The following PCLO variants were observed in gnomAD, a reference collection of about 807,000 sequenced individuals.
The protein encoded by PCLO is protein piccolo.
PCLO carries 82 observed loss-of-function variants against 427.5 expected under a neutral mutation model. That is an observed-to-expected ratio of 0.19 (90% CI 0.16 to 0.23). PCLO has a LOEUF of 0.23. Ranked by LOEUF, PCLO falls within the 10% of genes least tolerant of loss-of-function variation. PCLO has a pLI of 1.00. For synonymous variants in PCLO, 2,357 were observed against 2,155.4 expected (o/e 1.09, Z -2.59); for missense variants, 6,239 against 6,115.9 (o/e 1.02, Z -0.67).
At chr7:82,978,446 T>C (rs1796072024) in intron 3 of PCLO, among the ~76,000 whole-genome samples, 1 of 152,180 alleles carries the variant, frequency 6.6e-6, no homozygotes, top group African/African-American at 2.4e-5. Context: ...AAGAAATCTT[T>C]GTGAGACTCT....
chr7:82,759,482 C>A (rs1790386943), intron 24 of PCLO, among the ~76,000 whole-genome samples: 1 of 151,894 alleles, frequency 6.6e-6, no homozygotes, highest in African/African-American at 2.4e-5. Flanking sequence ...TATTTTCACT[C>A]AAATCTCTGC....
chr7:82,872,908 A>C (rs1031677883), intron 10 of PCLO, among the ~76,000 whole-genome samples: 7 of 152,158 alleles, frequency 4.6e-5, no homozygotes, highest in Non-Finnish European at 1.0e-4. Flanking sequence ...TCTTTAAATA[A>C]AATTTTTCAA....
At chr7:82,782,613 A>G (rs983960903) in intron 22 of PCLO, among the ~76,000 whole-genome samples, 3 of 152,162 alleles carry the variant, frequency 2.0e-5, no homozygotes, top group African/African-American at 7.2e-5. Context: ...TATAAAAATG[A>G]TATACTAAAT....
chr7:83,145,054 A>G (rs368842600), intron 2 of PCLO, among the ~76,000 whole-genome samples: 1 of 152,198 alleles, frequency 6.6e-6, no homozygotes, highest in African/African-American at 2.4e-5. Flanking sequence ...AACTGATCTC[A>G]TCTATATGTA....
chr7:83,154,845 A>G lies in PCLO; in HGVS notation c.1796T>C (p.Leu599Ser), dbSNP rs1792227316. 1 of 1,613,990 alleles carries G rather than the reference A, an allele frequency of 6.2e-7. No individual in the cohort carries two copies. The highest frequency in any genetic ancestry group is 8.5e-7 in the Non-Finnish European group (1 of 1,179,872). The change falls in exon 2 of 25, where the codon TTG (leucine) becomes TCG (serine). Residue 599 changes from leucine (L) to serine (S), a missense_variant. By Grantham distance (145) the Leu-to-Ser change is moderately radical. Coordinates refer to ENST00000333891, the MANE Select transcript of PCLO (RefSeq NM_033026.6). The stretch of plus-strand genomic sequence containing the variant: ...AAAATTGGCCTTTTCTGGAACATGC[A>G]ACAGAAGTTCAGTGGTATTGCAAAG... ...CPLCNTTELLLHVPEKANFNT... is the reference protein window; with the variant it reads ...CPLCNTTELLSHVPEKANFNT...
At chr7:82,908,716 T>C (rs767290081) in intron 8 of PCLO, among the ~76,000 whole-genome samples, 161 bp downstream of exon 8, 1 of 152,158 alleles carries the variant, frequency 6.6e-6, no homozygotes, top group Non-Finnish European at 1.5e-5. Flanking sequence ...CAGTCATAGC[T>C]GATGAAGTGA....
At chr7:82,859,158 C>T (rs115660972) in intron 10 of PCLO, among the ~76,000 whole-genome samples, 2,600 of 148,280 alleles carry the variant, frequency 0.018, 92 homozygotes, top group African/African-American at 0.062. Context: ...CTTCTGGACC[C>T]ACCTGGGGCC....
At chr7:82,879,730 A>T (rs1383286545) in intron 9 of PCLO, 1 of 453,218 alleles carries the variant, frequency 2.2e-6, no homozygotes, top group African/African-American at 2.0e-5. Context: ...TATACCCAGG[A>T]CTTGCCAATT....
chr7:82,983,953 C>G (rs1026106461), intron 3 of PCLO, among the ~76,000 whole-genome samples: 1 of 151,882 alleles, frequency 6.6e-6, no homozygotes, highest in African/African-American at 2.4e-5. Flanking sequence ...ATTAGAAAAA[C>G]TGACACCTTG....
At chr7:82,997,898 GCTTCTGGTTTTTTGTTCAT>G (rs1341305348) in intron 3 of PCLO, among the ~76,000 whole-genome samples, 1 of 151,938 alleles carries the variant, frequency 6.6e-6, no homozygotes, top group Non-Finnish European at 1.5e-5. Context: ...AAAGATACTG[GCTTCTGGTTTTTTGTTCAT>G]CTCCATGTAA....
intron 3 of PCLO, among the ~76,000 whole-genome samples, chr7:83,005,758 C>T (rs1417363795): frequency 6.6e-6 from 1 of 151,460 alleles, no homozygotes; most frequent in East Asian, 1.9e-4. Flanking sequence ...CCTTAAAAAG[C>T]TGGGTTAGGG....
chr7:82,759,087 C>T (rs1790376224), intron 24 of PCLO, among the ~76,000 whole-genome samples: 1 of 151,814 alleles, frequency 6.6e-6, no homozygotes, highest in African/African-American at 2.4e-5. Flanking sequence ...AAATCCAAAT[C>T]AAATAAAAGA....
At chr7:83,076,781 G>C (rs1300897544) in intron 3 of PCLO, among the ~76,000 whole-genome samples, 1 of 151,410 alleles carries the variant, frequency 6.6e-6, no homozygotes, top group Admixed American at 6.6e-5. Context: ...CCTATGTTTA[G>C]CAATGAATGA....
intron 10 of PCLO, among the ~76,000 whole-genome samples, chr7:82,848,616 C>T (rs1014620675): frequency 6.6e-6 from 1 of 151,944 alleles, no homozygotes; most frequent in African/African-American, 2.4e-5. Flanking sequence ...TGGCCTGAAC[C>T]ATTAGGTTTT....
Position 82,915,999 on chromosome 7 carries a change from G to C in PCLO, c.11987C>G (p.Thr3996Arg). The C allele has an allele frequency of 6.2e-7, 1 of 1,612,682 alleles. No individual in the cohort carries two copies. The highest frequency in any genetic ancestry group is 8.5e-7 in the Non-Finnish European group (1 of 1,179,788). Residue 3996 changes from threonine to arginine, a missense_variant, in exon 7 of 25, where the codon ACA becomes AGA. Physicochemically the swap from Thr to Arg is moderately conservative, Grantham distance 71 (BLOSUM62 -1). Coordinates refer to ENST00000333891, the MANE Select transcript of PCLO (RefSeq NM_033026.6). The part of the protein sequence containing the change: ...LMIAPVSTDN[T>R]FAVSHLGSKY... ...ACTACCAAGATGGGAAACAGCAAAT[G>C]TGTTATCCGTAGAAACAGGTGCTAT...
chr7:82,784,465 A>G (rs964096729), intron 22 of PCLO, among the ~76,000 whole-genome samples: 4 of 152,062 alleles, frequency 2.6e-5, no homozygotes, highest in African/African-American at 9.7e-5. Flanking sequence ...TTCTTTTTTA[A>G]TTGCAGATGC....
intron 6 of PCLO, among the ~76,000 whole-genome samples, chr7:82,931,924 A>G (rs1245146627): frequency 6.6e-6 from 1 of 152,130 alleles, no homozygotes. Context: ...ACATGAATTG[A>G]TTTTATGATT....
chr7:82,979,812 A>G (rs1479605506), intron 3 of PCLO, among the ~76,000 whole-genome samples: 1 of 152,230 alleles, frequency 6.6e-6, no homozygotes, highest in Non-Finnish European at 1.5e-5. Context: ...CACACTGGCA[A>G]AAATACTGTG....
intron 15 of PCLO, among the ~76,000 whole-genome samples, chr7:82,837,658 A>G (rs1219602386): frequency 1.3e-5 from 2 of 152,008 alleles, no homozygotes; most frequent in Non-Finnish European, 2.9e-5. Context: ...AAGAGATTCA[A>G]AGAGATATTT....
Sources: gnomAD v4.1 joint callset for allele counts (sites outside exome capture counted in the v4.1 genomes callset) on GRCh38, gnomAD v4.1.1 for gene constraint, MANE v1.5 for transcripts, NCBI Gene and HGNC (gene_info 2026-07-23, HGNC 2026-07-21) for gene names.